FRMD4B: variants seen among roughly 807,000 people sequenced by gnomAD.
FRMD4B encodes FERM domain-containing protein 4B.
In FRMD4B, 74 loss-of-function variants were observed where a neutral mutation model predicts 141.5. The ratio of observed to expected loss-of-function variants is 0.52; its 90% CI spans 0.43 to 0.63. The LOEUF is 0.63. Among genes scored for constraint, FRMD4B ranks in the 30% least tolerant of loss-of-function variants. The pLI, the probability that FRMD4B is intolerant of heterozygous loss-of-function variation, is 0.00. For missense variants in FRMD4B, 1,366 were observed against 1,253.4 expected (o/e 1.09, Z -1.36); for synonymous variants, 506 against 467.9 (o/e 1.08, Z -1.05).
At chr3:69,222,182 A>T (rs1158721812) in intron 8 of FRMD4B, among the ~76,000 whole-genome samples, 1 of 152,098 alleles carries the variant, frequency 6.6e-6, no homozygotes, top group African/African-American at 2.4e-5. Context: ...TTTAAAACTT[A>T]AAGTGCACAG....
At chr3:69,537,005 C>T (rs1382233724) in intron 1 of FRMD4B, among the ~76,000 whole-genome samples, 42 of 152,146 alleles carry the variant, frequency 2.8e-4, no homozygotes, top group Admixed American at 2.7e-3. Context: ...GCCCTGGCCT[C>T]CCAAAGTGTT....
At chr3:69,188,784 A>C (rs1007316804) in intron 18 of FRMD4B, among the ~76,000 whole-genome samples, 2 of 140,622 alleles carry the variant, frequency 1.4e-5, no homozygotes, top group Non-Finnish European at 3.1e-5. Context: ...AAAAAAAAAA[A>C]CTTGGGGAAG....
intron 4 of FRMD4B, among the ~76,000 whole-genome samples, chr3:69,301,849 G>A (rs2107164884): frequency 6.6e-6 from 1 of 152,266 alleles, no homozygotes; most frequent in South Asian, 2.1e-4. Flanking sequence ...TCCCTGTACT[G>A]TTAATTCTTT....
intron 1 of FRMD4B, among the ~76,000 whole-genome samples, chr3:69,357,560 G>A (rs943944108): frequency 2.6e-5 from 4 of 152,120 alleles, no homozygotes; most frequent in Admixed American, 1.3e-4. Context: ...CTGTGAGGGT[G>A]GAATAAAGGA....
At chr3:69,350,364 A>T (rs1249994625) in intron 1 of FRMD4B, among the ~76,000 whole-genome samples, 1 of 152,178 alleles carries the variant, frequency 6.6e-6, no homozygotes, top group African/African-American at 2.4e-5. Context: ...GAACACTTTG[A>T]CACTGTTGGT....
intron 5 of FRMD4B, among the ~76,000 whole-genome samples, chr3:69,287,063 A>G (rs554843969): frequency 6.6e-6 from 1 of 152,306 alleles, no homozygotes; most frequent in Non-Finnish European, 1.5e-5. Context: ...TTGGCCTCCA[A>G]AAGTGCTGGG....
At chr3:69,475,981 T>C (rs942569459) in intron 1 of FRMD4B, among the ~76,000 whole-genome samples, 1 of 151,564 alleles carries the variant, frequency 6.6e-6, no homozygotes, top group African/African-American at 2.4e-5. Context: ...TTTTCATATG[T>C]TTTTTTGGCT....
chr3:69,176,629 C>CA lies in FRMD4B; in HGVS notation c.2878dup (p.Trp960LeufsTer29). ...CAGCCCTATGGTTAACTGGGTCCTC[C>CA]AGTTCCCAGAAGCATTTGTAGAAGA... is the stretch of plus-strand genomic sequence containing the variant. On this transcript the variant is annotated frameshift_variant, in exon 22 of 23. Coordinates refer to ENST00000398540, the MANE Select transcript of FRMD4B (RefSeq NM_015123.3). LOFTEE classifies it high-confidence loss of function. The CA allele has an allele frequency of 6.2e-7, 1 of 1,604,740 alleles. No homozygotes were observed. The highest frequency in any genetic ancestry group is 8.5e-7 in the Non-Finnish European group (1 of 1,171,544).
intron 7 of FRMD4B, among the ~76,000 whole-genome samples, chr3:69,247,135 C>T (rs1434263800): frequency 1.3e-5 from 2 of 152,032 alleles, no homozygotes; most frequent in African/African-American, 4.8e-5. Flanking sequence ...ATAATAATAG[C>T]CCAAGGGTGT....
chr3:69,455,467 A>C (rs1354019686), intron 1 of FRMD4B, among the ~76,000 whole-genome samples: 1 of 152,102 alleles, frequency 6.6e-6, no homozygotes, highest in East Asian at 1.9e-4. Context: ...CAGACATGCC[A>C]CCTTGAGAGC....
At chr3:69,401,305 C>A (rs11721029) in intron 2 of FRMD4B, among the ~76,000 whole-genome samples, 2 of 152,048 alleles carry the variant, frequency 1.3e-5, no homozygotes, top group Non-Finnish European at 2.9e-5. Context: ...GTAAACTACA[C>A]GGGACAGAGG....
In FRMD4B at chr3:69,187,984, C is replaced by T. The variant is rs57844511; in HGVS notation, c.1772-67G>A. On this transcript the variant is annotated intron_variant, in intron 18 of 22. Transcript: ENST00000398540. ...ATTAATAGGTAAATAAATATCTTGCCAATACCTCAAAAAAGAAATTAGAAG... is the reference window on the plus strand; with the variant it reads ...ATTAATAGGTAAATAAATATCTTGCTAATACCTCAAAAAAGAAATTAGAAG... 1,343 of 821,328 alleles carry T rather than the reference C, an allele frequency of 1.6e-3. 12 individuals carry two copies. In the African/African-American group the frequency reaches 0.02, roughly 12 times the overall value. 50.9% of individuals were successfully genotyped at this position (821,328 alleles called of 1,614,324 possible). A position where few individuals can be genotyped will look rare whatever the true frequency, so the allele number is the denominator to read the frequency against.
At chr3:69,217,398 A>G (rs1176570429) in intron 10 of FRMD4B, among the ~76,000 whole-genome samples, 1 of 152,140 alleles carries the variant, frequency 6.6e-6, no homozygotes, top group African/African-American at 2.4e-5. Flanking sequence ...AGGCAGGTGG[A>G]TCACCTGAGG....
rs760619801 is a variant in FRMD4B at position 69,197,045 on chromosome 3, G to A, written c.954-7C>T. 1 of 1,608,960 alleles carries A rather than the reference G, an allele frequency of 6.2e-7. No homozygotes were observed. On this transcript the variant is annotated splice_region_variant and splice_polypyrimidine_tract_variant and intron_variant, in intron 12 of 22. Transcript: ENST00000398540. ...TCTTCTTGAAACTGAAATCCTGAAA[G>A]ATTAAAGAAAGCACTCAAATAATTC...
At chr3:69,205,201 C>CTGT in intron 11 of FRMD4B, among the ~76,000 whole-genome samples, 1 of 150,660 alleles carries the variant, frequency 6.6e-6, no homozygotes, top group South Asian at 2.1e-4. Context: ...GGGTCTTGGT[C>CTGT]TGTCACCTAA....
chr3:69,395,668 C>T (rs531602450), intron 2 of FRMD4B, among the ~76,000 whole-genome samples: 1 of 152,092 alleles, frequency 6.6e-6, no homozygotes, highest in African/African-American at 2.4e-5. Context: ...ATCTTGCTAT[C>T]CTAAAATTAA....
chr3:69,427,903 A>C (rs1407799584), intron 2 of FRMD4B, among the ~76,000 whole-genome samples: 1 of 151,350 alleles, frequency 6.6e-6, no homozygotes, highest in Non-Finnish European at 1.5e-5. Context: ...TGATCTGCCC[A>C]CCTCGGCCTC....
At chr3:69,395,977 C>T (rs968045351) in intron 2 of FRMD4B, among the ~76,000 whole-genome samples, 2 of 152,178 alleles carry the variant, frequency 1.3e-5, no homozygotes, top group African/African-American at 4.8e-5. Context: ...CACCCTAAAA[C>T]AGTTCCATTA....
chr3:69,402,574 T>C (rs1036455731), intron 2 of FRMD4B, among the ~76,000 whole-genome samples: 1 of 152,158 alleles, frequency 6.6e-6, no homozygotes. Context: ...TATCTTTGTA[T>C]CCCAAAACCT....
Sources: allele counts gnomAD v4.1 joint callset (sites outside exome capture counted in the v4.1 genomes callset), GRCh38; gene constraint gnomAD v4.1.1; transcripts MANE v1.5; gene names NCBI Gene and HGNC (gene_info 2026-07-23, HGNC 2026-07-21).